The following TNR variants were observed in gnomAD, a reference collection of about 807,000 sequenced individuals.
The protein encoded by TNR is tenascin-R.
Under a neutral mutation model 150.4 loss-of-function variants are expected in TNR, and 45 were observed. The ratio of observed to expected loss-of-function variants is 0.30; its 90% CI spans 0.24 to 0.38. The LOEUF (loss-of-function observed/expected upper bound fraction) is 0.38. TNR is among the 10% of genes least tolerant of loss of function. TNR has a pLI of 1.00. For missense variants in TNR, 1,544 were observed against 1,759.1 expected (o/e 0.88, Z 2.19); for synonymous variants, 687 against 678.4 (o/e 1.01, Z -0.20).
At chr1:175,716,964 C>A (rs1174624742) in intron 1 of TNR, among the ~76,000 whole-genome samples, 1 of 152,224 alleles carries the variant, frequency 6.6e-6, no homozygotes, top group Non-Finnish European at 1.5e-5. Context: ...AATTTACCCA[C>A]TCTGTGACCT....
chr1:175,472,495 G>T (rs1280256939), intron 2 of TNR, among the ~76,000 whole-genome samples: 3 of 152,150 alleles, frequency 2.0e-5, no homozygotes, highest in African/African-American at 7.2e-5. Context: ...TTTATGACTT[G>T]CAGTGTGGTA....
At chr1:175,657,366 T>A (rs1256184134) in intron 1 of TNR, among the ~76,000 whole-genome samples, 1 of 152,110 alleles carries the variant, frequency 6.6e-6, no homozygotes, top group Non-Finnish European at 1.5e-5. Flanking sequence ...GTGTGGCAAT[T>A]CCTCAGGGAT....
intron 1 of TNR, among the ~76,000 whole-genome samples, chr1:175,608,067 T>C (rs986788595): frequency 1.7e-4 from 26 of 152,338 alleles, no homozygotes; most frequent in African/African-American, 6.3e-4. Flanking sequence ...AGTTCTCCCC[T>C]AGATTGCAGC....
chr1:175,466,905 G>T (rs859371), intron 2 of TNR, among the ~76,000 whole-genome samples: 100,227 of 151,798 alleles, frequency 0.66, 33,217 homozygotes, highest in African/African-American at 0.72. Context: ...ATCTGGGACA[G>T]GAGACAGTCC....
In TNR at chr1:175,515,454, G is replaced by A. The variant is rs184115853; in HGVS notation, c.-64+12815C>T. On this transcript the variant is annotated intron_variant, in intron 2 of 22. Transcript: ENST00000367674. The stretch of plus-strand genomic sequence containing the variant: ...AGAGAGGGTTTGAGGAGGAGGCAAT[G>A]TTCAGGATGAACTTTAAAAGGAGAG... Among the ~76,000 whole-genome samples, 136 of 152,334 alleles carry A rather than the reference G, an allele frequency of 8.9e-4. 1 individual carries two copies. The highest frequency in any genetic ancestry group is 2.9e-3 in the African/African-American group (120 of 41,576).
At chr1:175,420,110 G>A (rs1158605815) in intron 2 of TNR, among the ~76,000 whole-genome samples, 1 of 152,148 alleles carries the variant, frequency 6.6e-6, no homozygotes, top group Admixed American at 6.5e-5. Flanking sequence ...ACACCACTGA[G>A]CAGACTCTAT....
Position 175,365,247 on chromosome 1 carries a change from G to A in TNR, c.2350C>T (p.His784Tyr), listed in dbSNP as rs1651778344. The A allele has an allele frequency of 6.2e-7, 1 of 1,613,132 alleles. No homozygotes were observed. Among genetic ancestry groups the A allele is most frequent in the Non-Finnish European group, 8.5e-7 (1 of 1,179,362 alleles). ...ATGTTCACACTGGAGGAGGTCACAT[G>A]AGAAAAGTGCAGATGAGAGATGGGA... ...FRPISHLHFSHVTSSSVNITW... is the reference protein window; with the variant it reads ...FRPISHLHFSYVTSSSVNITW... Residue 784 changes from histidine to tyrosine, a missense_variant, in exon 12 of 23, where the codon CAT becomes TAT. By Grantham distance (83) the His-to-Tyr change is moderately conservative. Transcript: ENST00000367674.
At chr1:175,608,181 A>T (rs1663475363) in intron 1 of TNR, among the ~76,000 whole-genome samples, 1 of 152,234 alleles carries the variant, frequency 6.6e-6, no homozygotes, top group Non-Finnish European at 1.5e-5. Flanking sequence ...CAATCAGTAA[A>T]ATTTCTGGTA....
chr1:175,736,503 A>G (rs1376742008), intron 1 of TNR, among the ~76,000 whole-genome samples: 2 of 152,078 alleles, frequency 1.3e-5, no homozygotes, highest in Non-Finnish European at 1.5e-5. Flanking sequence ...CCTGGACGAC[A>G]GAACAAGACT....
chr1:175,582,795 C>A (rs909866197), intron 1 of TNR, among the ~76,000 whole-genome samples: 1 of 152,024 alleles, frequency 6.6e-6, no homozygotes, highest in Non-Finnish European at 1.5e-5. Context: ...AGAGGTGGAA[C>A]CTTTACAAGG....
At chr1:175,341,985 C>A (rs1299853229) in intron 18 of TNR, among the ~76,000 whole-genome samples, 1 of 152,214 alleles carries the variant, frequency 6.6e-6, no homozygotes, top group East Asian at 1.9e-4. Context: ...ATGGGGTGAG[C>A]CACTTGGCTT....
At chr1:175,649,583 T>C (rs987404380) in intron 1 of TNR, among the ~76,000 whole-genome samples, 9 of 152,036 alleles carry the variant, frequency 5.9e-5, no homozygotes. Flanking sequence ...ATGGGCCCAA[T>C]ACAAGAGTGA....
intron 1 of TNR, among the ~76,000 whole-genome samples, chr1:175,694,124 G>T (rs905299578): frequency 1.3e-5 from 2 of 152,046 alleles, no homozygotes; most frequent in Non-Finnish European, 2.9e-5. Flanking sequence ...TCTGCCAATG[G>T]CTCAGAATCC....
intron 1 of TNR, among the ~76,000 whole-genome samples, chr1:175,665,825 G>A (rs1665518287): frequency 6.6e-6 from 1 of 152,160 alleles, no homozygotes; most frequent in Admixed American, 6.5e-5. Flanking sequence ...GTCATAAACA[G>A]GAAATGCCCT....
chr1:175,338,937 C>T (rs1291136935), intron 18 of TNR, among the ~76,000 whole-genome samples: 1 of 152,222 alleles, frequency 6.6e-6, no homozygotes, highest in Non-Finnish European at 1.5e-5. Flanking sequence ...CTGCCACACA[C>T]CCGTCGAGGG....
At chr1:175,545,430 A>T (rs1345826978) in intron 1 of TNR, among the ~76,000 whole-genome samples, 1 of 152,158 alleles carries the variant, frequency 6.6e-6, no homozygotes, top group Non-Finnish European at 1.5e-5. Context: ...GAAACAGCTT[A>T]AGATGGAAAT....
Position 175,323,401 on chromosome 1 carries a change from G to T in TNR, c.4033C>A (p.His1345Asn), listed in dbSNP as rs768619309. The T allele has an allele frequency of 1.9e-6, 3 of 1,614,008 alleles. No homozygotes were observed. In the Admixed American group the frequency reaches 5.0e-5, roughly 27 times the overall value. ...CGTTTTCTCCCTGCCATGAGACGGT[G>T]GTTGTAGGGGCGCATCTTCATTTCC... Reference protein sequence around the residue: ...FVEMKMRPYNHRLMAGRKRQS... With the variant: ...FVEMKMRPYNNRLMAGRKRQS... Residue 1345 changes from histidine to asparagine, a missense_variant, in exon 23 of 23, where the codon CAC (histidine) becomes AAC (asparagine). Coordinates refer to ENST00000367674, the MANE Select transcript of TNR (RefSeq NM_003285.3).
chr1:175,482,044 G>A (rs1370992123), intron 2 of TNR, among the ~76,000 whole-genome samples: 1 of 152,106 alleles, frequency 6.6e-6, no homozygotes, highest in African/African-American at 2.4e-5. Flanking sequence ...AACCGTGAGG[G>A]GTCAGTTAAT....
intron 1 of TNR, among the ~76,000 whole-genome samples, chr1:175,729,909 A>G (rs1354236562): frequency 6.6e-6 from 1 of 152,192 alleles, no homozygotes; most frequent in Non-Finnish European, 1.5e-5. Flanking sequence ...TGTGACTAAT[A>G]TAAAAGAGCA....
Sources: allele counts gnomAD v4.1 joint callset (sites outside exome capture counted in the v4.1 genomes callset), GRCh38; gene constraint gnomAD v4.1.1; transcripts MANE v1.5; gene names NCBI Gene and HGNC (gene_info 2026-07-23, HGNC 2026-07-21).